The following FGF14 variants were observed in gnomAD, a reference collection of about 807,000 sequenced individuals.
FGF14 encodes the protein fibroblast growth factor homologous factor 4.
Under a neutral mutation model 25.5 loss-of-function variants are expected in FGF14, and 5 were observed. That is an observed-to-expected ratio of 0.20 (90% CI 0.10 to 0.41). The LOEUF (loss-of-function observed/expected upper bound fraction) is 0.41. FGF14 is among the 10% of genes least tolerant of loss of function. FGF14 has a pLI of 1.00. For synonymous variants in FGF14, 138 were observed against 118.3 expected, an observed-to-expected ratio of 1.17 and a Z score of -1.08; for missense variants, 222 against 320.1, an observed-to-expected ratio of 0.69 and a Z score of 2.34.
At chr13:101,780,316 G>T (rs1424835384) in intron 3 of FGF14, among the ~76,000 whole-genome samples, 1 of 152,152 alleles carries the variant, frequency 6.6e-6, no homozygotes, top group Non-Finnish European at 1.5e-5. Context: ...TCTTTTGAAG[G>T]TAGTTGTGGT....
At position 102,212,999 on chromosome 13, in the gene FGF14, C is replaced by T. The variant is rs11069478; in HGVS notation, c.208+188472G>A. On this transcript the variant is annotated intron_variant, in intron 1 of 4. Coordinates refer to the FGF14 transcript ENST00000376131. Reference sequence around the variant, plus strand: ...TAAGCTGAATGCTGCCAGTTGTCAGCCTTTTTTACATACTGTGGCAACTGC... The same window carrying T: ...TAAGCTGAATGCTGCCAGTTGTCAGTCTTTTTTACATACTGTGGCAACTGC... Among the ~76,000 whole-genome samples, 1,151 of 152,154 alleles carry T rather than the reference C, an allele frequency of 7.6e-3. 13 individuals carry two copies. The highest frequency in any genetic ancestry group is 0.026 in the African/African-American group (1,092 of 41,514).
chr13:102,213,904 G>A (rs570818347), intron 1 of FGF14, among the ~76,000 whole-genome samples: 4 of 152,124 alleles, frequency 2.6e-5, no homozygotes, highest in African/African-American at 9.7e-5. Flanking sequence ...GGTACTAATA[G>A]GTATTACTCA....
chr13:102,334,037 T>C (rs2056715977), intron 1 of FGF14, among the ~76,000 whole-genome samples: 1 of 152,178 alleles, frequency 6.6e-6, no homozygotes, highest in Non-Finnish European at 1.5e-5. Context: ...AGAGGCCATC[T>C]GTTCAGGTCC....
intron 1 of FGF14, among the ~76,000 whole-genome samples, chr13:102,354,620 T>C (rs1281715561): frequency 1.3e-5 from 2 of 152,198 alleles, no homozygotes; most frequent in Non-Finnish European, 2.9e-5. Flanking sequence ...CACAAAGAAT[T>C]TCCTTGTAGG....
intron 1 of FGF14, among the ~76,000 whole-genome samples, chr13:102,313,598 G>A (rs866007449): frequency 5.3e-5 from 8 of 151,934 alleles, no homozygotes; most frequent in South Asian, 2.1e-4. Flanking sequence ...CTTTTAAGGC[G>A]TTGGGCAGGG....
At chr13:101,728,824 G>A (rs1234723241) in intron 3 of FGF14, among the ~76,000 whole-genome samples, 12 of 152,242 alleles carry the variant, frequency 7.9e-5, no homozygotes, top group East Asian at 5.8e-4. Context: ...CCAGAACCTG[G>A]CTCACTGATG....
intron 1 of FGF14, chr13:102,003,008 T>G (rs1462182441): frequency 6.6e-6 from 1 of 152,190 alleles, no homozygotes; most frequent in African/African-American, 2.4e-5. Context: ...AATGACAGGC[T>G]TGGGAGTGGA....
chr13:101,914,176 G>A (rs1163738016), intron 1 of FGF14, among the ~76,000 whole-genome samples: 3 of 151,064 alleles, frequency 2.0e-5, no homozygotes, highest in East Asian at 1.9e-4. Flanking sequence ...AAATATGTTC[G>A]ACAATAAGAC....
chr13:102,159,659 T>G (rs886632966), intron 1 of FGF14, among the ~76,000 whole-genome samples: 1 of 152,156 alleles, frequency 6.6e-6, no homozygotes, highest in African/African-American at 2.4e-5. Context: ...CCTATCTTAT[T>G]TATTTTTGTA....
intron 1 of FGF14, among the ~76,000 whole-genome samples, chr13:102,395,943 T>C (rs1384364482): frequency 6.6e-6 from 1 of 151,930 alleles, no homozygotes; most frequent in Non-Finnish European, 1.5e-5. Flanking sequence ...CTGACCAAAG[T>C]AAAAAAAATA....
At chr13:102,237,034 C>T (rs954803961) in intron 1 of FGF14, among the ~76,000 whole-genome samples, 5 of 152,186 alleles carry the variant, frequency 3.3e-5, no homozygotes, top group African/African-American at 4.8e-5. Flanking sequence ...TGTGTGATCA[C>T]GCCTCACAGG....
At chr13:101,991,056 A>C (rs564605252) in intron 1 of FGF14, among the ~76,000 whole-genome samples, 1 of 152,168 alleles carries the variant, frequency 6.6e-6, no homozygotes, top group South Asian at 2.1e-4. Context: ...TACTTCTTTA[A>C]CCCTGCAGTT....
intron 1 of FGF14, among the ~76,000 whole-genome samples, chr13:102,158,436 CAT>C (rs2047453060): frequency 1.3e-5 from 2 of 149,060 alleles, no homozygotes; most frequent in East Asian, 2.0e-4. Flanking sequence ...AACCAAACAC[CAT>C]ATGTTCTCAC....
At chr13:101,993,204 A>AC (rs1324195259) in intron 1 of FGF14, among the ~76,000 whole-genome samples, 22 of 146,120 alleles carry the variant, frequency 1.5e-4, no homozygotes, top group African/African-American at 5.5e-4. Context: ...AAAAAAAAAA[A>AC]CCCACACAAA....
At chr13:102,058,224 A>G (rs2042522040) in intron 1 of FGF14, among the ~76,000 whole-genome samples, 1 of 152,238 alleles carries the variant, frequency 6.6e-6, no homozygotes, top group African/African-American at 2.4e-5. Flanking sequence ...ATTGTAGTCA[A>G]ATACCGAAAA....
At chr13:102,142,920 T>C (rs547829219) in intron 1 of FGF14, among the ~76,000 whole-genome samples, 11 of 152,156 alleles carry the variant, frequency 7.2e-5, no homozygotes, top group Non-Finnish European at 1.6e-4. Flanking sequence ...GCTTTTATTC[T>C]CTTTTTAAAA....
At chr13:101,757,631 T>C (rs1030020798) in intron 3 of FGF14, among the ~76,000 whole-genome samples, 2 of 152,178 alleles carry the variant, frequency 1.3e-5, no homozygotes, top group African/African-American at 4.8e-5. Flanking sequence ...CTGATTTAGA[T>C]AAAGGTCACC....
At chr13:102,086,126 T>C (rs2043885140) in intron 1 of FGF14, among the ~76,000 whole-genome samples, 1 of 152,200 alleles carries the variant, frequency 6.6e-6, no homozygotes, top group South Asian at 2.1e-4. Flanking sequence ...AAGTCTTGAT[T>C]AAAAGCTAAA....
At chr13:101,768,664 C>T (rs2038561821) in intron 3 of FGF14, among the ~76,000 whole-genome samples, 3 of 152,068 alleles carry the variant, frequency 2.0e-5, no homozygotes, top group Admixed American at 6.6e-5. Flanking sequence ...AATAGACCCA[C>T]ATAAATACAG....
Sources: gnomAD v4.1 joint callset for allele counts (sites outside exome capture counted in the v4.1 genomes callset) on GRCh38, gnomAD v4.1.1 for gene constraint, MANE v1.5 for transcripts, NCBI Gene and HGNC (gene_info 2026-07-23, HGNC 2026-07-21) for gene names.